The following WWP2 variants were observed in gnomAD, a reference collection of about 807,000 sequenced individuals.
The protein encoded by WWP2 is NEDD4-like E3 ubiquitin-protein ligase WWP2.
Under a neutral mutation model 121.0 loss-of-function variants are expected in WWP2, and 57 were observed. The ratio of observed to expected loss-of-function variants is 0.47; its 90% CI spans 0.38 to 0.59. The LOEUF (loss-of-function observed/expected upper bound fraction) is 0.59, where lower values mean the gene tolerates loss of function less well. Among genes scored for constraint, WWP2 ranks in the 20% least tolerant of loss-of-function variants. The probability of loss-of-function intolerance (pLI) is 0.00; values close to 1 mark genes in which losing one functional copy is unlikely to be tolerated. For missense variants in WWP2, 962 were observed against 1,158.9 expected (o/e 0.83, Z 2.47); for synonymous variants, 449 against 441.3 (o/e 1.02, Z -0.22).
intron 7 of WWP2, among the ~76,000 whole-genome samples, chr16:69,875,021 C>A (rs201183173): frequency 1.0e-4 from 15 of 147,790 alleles, no homozygotes; most frequent in African/African-American, 1.7e-4. Context: ...GACCTTGTGT[C>A]AAAAAAAAAA....
At chr16:69,788,847 T>C (rs980431317) in intron 2 of WWP2, among the ~76,000 whole-genome samples, 1 of 152,102 alleles carries the variant, frequency 6.6e-6, no homozygotes, top group African/African-American at 2.4e-5. Flanking sequence ...CAGTAAATAG[T>C]GCCTGAACGA....
rs749027951 is a variant in WWP2 at position 69,786,983 on chromosome 16, G to C, written c.-15-13G>C. 28 of 1,589,644 alleles carry C rather than the reference G, an allele frequency of 1.8e-5. No individual in the cohort carries two copies. The highest frequency in any genetic ancestry group is 2.3e-5 in the Non-Finnish European group (27 of 1,168,548). On this transcript the variant is annotated splice_polypyrimidine_tract_variant and intron_variant, in intron 1 of 23. Coordinates refer to ENST00000359154, the MANE Select transcript of WWP2 (RefSeq NM_001270454.2). ...AGATATTCTCTGAATTCTTTTTTCT[G>C]TTTGTCTTACAGCTTCACGGTGATG... is the stretch of plus-strand genomic sequence containing the variant.
At chr16:69,764,537 C>T (rs907031582) in intron 1 of WWP2, among the ~76,000 whole-genome samples, 2 of 152,172 alleles carry the variant, frequency 1.3e-5, no homozygotes, top group South Asian at 2.1e-4. Context: ...AAAAGTGTAA[C>T]ATTTTAAGGA....
chr16:69,916,164 G>A (rs563928552), intron 9 of WWP2, among the ~76,000 whole-genome samples: 2 of 152,248 alleles, frequency 1.3e-5, no homozygotes, highest in African/African-American at 4.8e-5. Flanking sequence ...TTTGACTCAA[G>A]GGCAATGGGG....
chr16:69,838,770 C>T (rs546062943), intron 4 of WWP2: 58 of 985,468 alleles, frequency 5.9e-5, no homozygotes, highest in Non-Finnish European at 6.3e-5. Context: ...CACCAAGGCC[C>T]TCAGTGGAAC....
At chr16:69,939,700 C>A in intron 23 of WWP2, 141 bp from the exon 24 acceptor site, 1 of 753,434 alleles carries the variant, frequency 1.3e-6, no homozygotes, top group Non-Finnish European at 2.0e-6. Context: ...CAGGCACCTG[C>A]AATGTGAAGG....
intron 8 of WWP2, 35 bp downstream of exon 8, chr16:69,888,284 T>A: frequency 1.3e-6 from 2 of 1,597,422 alleles, no homozygotes; most frequent in Non-Finnish European, 1.7e-6. Flanking sequence ...AGATCTCTCC[T>A]CCTCAAAGAC....
chr16:69,861,365 G>A (rs1312428408), intron 6 of WWP2, among the ~76,000 whole-genome samples: 1 of 152,182 alleles, frequency 6.6e-6, no homozygotes, highest in Non-Finnish European at 1.5e-5. Context: ...TCTCTCTCAA[G>A]GTGAGTTTTT....
At chr16:69,837,080 T>G (rs145348986) in intron 4 of WWP2, among the ~76,000 whole-genome samples, 46 of 152,058 alleles carry the variant, frequency 3.0e-4, no homozygotes, top group South Asian at 6.2e-4. Context: ...CCTACTACCA[T>G]ATCCAGCTAA....
intron 6 of WWP2, 176 bp from the exon 7 acceptor site, chr16:69,871,628 T>C: frequency 1.2e-6 from 1 of 847,008 alleles, no homozygotes; most frequent in Non-Finnish European, 1.7e-6. Context: ...AAAAGGAAAC[T>C]TCCCTGGGTC....
At chr16:69,840,546 C>G (rs2056959116) in intron 5 of WWP2, among the ~76,000 whole-genome samples, 1 of 152,178 alleles carries the variant, frequency 6.6e-6, no homozygotes, top group Non-Finnish European at 1.5e-5. Context: ...AATGAAATAT[C>G]TTTATCAAAT....
At chr16:69,793,911 CTTTT>C (rs71151135) in intron 2 of WWP2, among the ~76,000 whole-genome samples, 2 of 62,312 alleles carry the variant, frequency 3.2e-5, no homozygotes, top group African/African-American at 1.2e-4. Flanking sequence ...ATTATCCTTG[CTTTT>C]TTTTTTTTTT....
At position 69,929,672 on chromosome 16, in the gene WWP2, A is replaced by G. The variant is rs114249234; in HGVS notation, c.1316+143A>G. On this transcript the variant is annotated intron_variant, in intron 12 of 23. Transcript: ENST00000359154. ...CACACACAAGTGTCTTGAGACTCTC[A>G]CCGTACAGATACACTGTTGGCCTGA... 2.9e-3 allele frequency: 2,084 copies of G among 706,792 alleles called. 41 individuals carry two copies. In the African/African-American group the frequency reaches 0.032, roughly 11 times the overall value. 43.8% of individuals were successfully genotyped at this position (706,792 alleles called of 1,614,324 possible).
At chr16:69,806,041 T>TA (rs1295778248) in intron 4 of WWP2, among the ~76,000 whole-genome samples, 7 of 149,240 alleles carry the variant, frequency 4.7e-5, no homozygotes, top group Admixed American at 6.7e-5. Flanking sequence ...TACTAAAAAT[T>TA]AAAAAAAAAA....
chr16:69,800,457 C>T (rs1044349208), intron 4 of WWP2, among the ~76,000 whole-genome samples: 3 of 152,100 alleles, frequency 2.0e-5, no homozygotes, highest in African/African-American at 7.2e-5. Flanking sequence ...ATTTGCCCAG[C>T]CAATATACTT....
chr16:69,780,026 T>C (rs886416259), intron 1 of WWP2, among the ~76,000 whole-genome samples: 1 of 152,206 alleles, frequency 6.6e-6, no homozygotes, highest in East Asian at 1.9e-4. Flanking sequence ...CTTTGAAAGA[T>C]AAAATGTTGT....
In WWP2 at chr16:69,769,416, T is replaced by A. The variant is rs138546491; in HGVS notation, c.-16+7025T>A. ...TACAGCTGGTTAATTAGAAATAAAA[T>A]CTTTGTGAACCCATGGATTATATTG... On this transcript the variant is annotated intron_variant, in intron 1 of 23. Transcript: ENST00000359154. Among the ~76,000 whole-genome samples, 125 of 151,874 alleles carry A rather than the reference T, an allele frequency of 8.2e-4. 1 individual carries two copies. Among genetic ancestry groups the A allele is most frequent in the African/African-American group, 2.8e-3 (116 of 41,396 alleles).
rs542609617 is a variant in WWP2, at chr16:69,912,468, G to A, written c.1004+3618G>A. 5.9e-5 allele frequency among the ~76,000 whole-genome samples: 9 copies of A among 151,834 alleles called. No individual in the cohort carries two copies. The South Asian group carries it at 8.3e-4, about 14-fold the overall frequency. ...GCAGAGAGAGTAGGAGGACCAGGTC[G>A]GGGGACACAAACTATAGCTGAAGGC... On this transcript the variant is annotated intron_variant, in intron 9 of 23. Transcript: ENST00000359154.
chr16:69,916,536 C>T (rs1314342415), intron 9 of WWP2, among the ~76,000 whole-genome samples: 1 of 151,948 alleles, frequency 6.6e-6, no homozygotes, highest in South Asian at 2.1e-4. Context: ...AGCAGTAGTC[C>T]AGGGGTGAGG....
Sources: allele counts gnomAD v4.1 joint callset (sites outside exome capture counted in the v4.1 genomes callset), GRCh38; gene constraint gnomAD v4.1.1; transcripts MANE v1.5; gene names NCBI Gene and HGNC (gene_info 2026-07-23, HGNC 2026-07-21).